The following DIAPH2 variants were observed in gnomAD, a reference collection of about 807,000 sequenced individuals.
The protein encoded by DIAPH2 is protein diaphanous homolog 2.
In DIAPH2, 35 loss-of-function variants were observed where a neutral mutation model predicts 92.7. The observed-to-expected ratio is 0.38, with a 90% CI of 0.29 to 0.50. The LOEUF (loss-of-function observed/expected upper bound fraction) is 0.50, where lower values mean the gene tolerates loss of function less well. Ranked by LOEUF, DIAPH2 falls within the 20% of genes least tolerant of loss-of-function variation. DIAPH2 has a pLI of 0.94. For synonymous variants in DIAPH2, 301 were observed against 280.4 expected (o/e 1.07, Z -0.73); for missense variants, 701 against 819.5 (o/e 0.86, Z 1.77).
At chrX:97,323,448 G>A (rs1419989803) in intron 23 of DIAPH2, among the ~76,000 whole-genome samples, 1 of 103,676 alleles carries the variant, frequency 9.6e-6, no homozygotes, top group Admixed American at 1.0e-4. Flanking sequence ...AAAATTAGCC[G>A]GGCGTGGTGG....
intron 23 of DIAPH2, among the ~76,000 whole-genome samples, chrX:97,293,305 C>T (rs777737419): frequency 3.4e-5 from 3 of 88,836 alleles, no homozygotes; most frequent in African/African-American, 1.4e-4. Flanking sequence ...GTCTGGAGTG[C>T]AGTGGCACAA....
At chrX:96,726,559 CAGAGCAA>C (rs2064021313) in intron 1 of DIAPH2, among the ~76,000 whole-genome samples, 1 of 111,315 alleles carries the variant, frequency 9.0e-6, no homozygotes, top group Non-Finnish European at 1.9e-5. Context: ...GTGCTGTAAG[CAGAGCAA>C]AGAGCACCTG....
chrX:96,995,437 A>G (rs1017872915), intron 17 of DIAPH2, among the ~76,000 whole-genome samples: 2 of 112,129 alleles, frequency 1.8e-5, no homozygotes, highest in African/African-American at 6.5e-5. Context: ...GCAACTAGCA[A>G]AGCATATGAT....
chrX:97,240,763 T>A (rs73548655), intron 22 of DIAPH2, among the ~76,000 whole-genome samples: 1,444 of 110,711 alleles, frequency 0.013, 20 homozygotes, highest in African/African-American at 0.045. Flanking sequence ...GAAGGTAGGG[T>A]GTAGGAAAGA....
intron 19 of DIAPH2, among the ~76,000 whole-genome samples, chrX:97,084,734 C>T (rs756940523): frequency 9.0e-6 from 1 of 111,179 alleles, no homozygotes; most frequent in Non-Finnish European, 1.9e-5. Context: ...TGACAATAAA[C>T]TAGTAAGGGG....
chrX:97,554,842 G>A (rs1159991891), intron 26 of DIAPH2, among the ~76,000 whole-genome samples: 3 of 111,836 alleles, frequency 2.7e-5, no homozygotes, highest in Admixed American at 9.5e-5. Flanking sequence ...GTAAGTGATA[G>A]CACTTACTAT....
At chrX:96,738,034 A>G (rs2064097887) in intron 2 of DIAPH2, among the ~76,000 whole-genome samples, 1 of 111,940 alleles carries the variant, frequency 8.9e-6, no homozygotes, top group Non-Finnish European at 1.9e-5. Flanking sequence ...TCACAAGGTT[A>G]CTCAGCTAGT....
At chrX:96,772,541 T>C (rs1257125006) in intron 4 of DIAPH2, among the ~76,000 whole-genome samples, 1 of 112,407 alleles carries the variant, frequency 8.9e-6, no homozygotes, top group Non-Finnish European at 1.9e-5. Flanking sequence ...CTAGTTTATA[T>C]GCTTGTATGA....
intron 4 of DIAPH2, among the ~76,000 whole-genome samples, chrX:96,818,566 A>C (rs1451429826): frequency 1.8e-5 from 2 of 111,819 alleles, no homozygotes; most frequent in Non-Finnish European, 3.8e-5. Flanking sequence ...AAATTGATTA[A>C]AATTATTCAG....
chrX:97,016,030 A>T (rs1026775806), intron 17 of DIAPH2, among the ~76,000 whole-genome samples: 2 of 111,924 alleles, frequency 1.8e-5, no homozygotes, highest in Non-Finnish European at 3.8e-5. Flanking sequence ...TTATGTCAGG[A>T]CCTGCCATTA....
intron 22 of DIAPH2, among the ~76,000 whole-genome samples, chrX:97,190,317 C>T (rs2067642301): frequency 8.9e-6 from 1 of 112,713 alleles, no homozygotes; most frequent in Admixed American, 9.4e-5. Context: ...GATATTACGC[C>T]AGTCCAGATT....
chrX:96,915,670 A>C (rs1299474630), intron 7 of DIAPH2, among the ~76,000 whole-genome samples: 3 of 111,961 alleles, frequency 2.7e-5, no homozygotes, highest in Non-Finnish European at 5.7e-5. Flanking sequence ...AATCTGAAAA[A>C]TACTTTGTGG....
chrX:96,713,293 A>G (rs759978275), intron 1 of DIAPH2, among the ~76,000 whole-genome samples: 3 of 111,356 alleles, frequency 2.7e-5, no homozygotes, highest in Admixed American at 9.6e-5. Context: ...TCCTGCCTCA[A>G]GGATTGTGTG....
chrX:96,898,607 A>G (rs1394908052), intron 5 of DIAPH2, among the ~76,000 whole-genome samples: 1 of 106,901 alleles, frequency 9.4e-6, no homozygotes, highest in South Asian at 4.4e-4. Context: ...GTTTGAGTTC[A>G]TTGTAGATTC....
At chrX:96,813,894 C>G (rs1366183188) in intron 4 of DIAPH2, among the ~76,000 whole-genome samples, 4 of 112,230 alleles carry the variant, frequency 3.6e-5, no homozygotes, top group Non-Finnish European at 7.5e-5. Context: ...GAAAGATCCA[C>G]TGTCAGTCTG....
Position 97,224,754 on chromosome X carries a change from TAAGA to T in DIAPH2, c.2720-22959_2720-22956del, listed in dbSNP as rs766765119. Among the ~76,000 whole-genome samples the T allele has an allele frequency of 5.6e-3, 632 of 111,879 alleles. 2 individuals are homozygous for T. Among genetic ancestry groups the T allele is most frequent in the African/African-American group, 0.019 (596 of 30,895 alleles). ...ACCAACTCAAAATATCTAAGTGTGC[TAAGA>T]ATCGAAAATGATCTCAGTAAAGTGG... On this transcript the variant is annotated intron_variant, in intron 22 of 26. Coordinates refer to ENST00000324765, the MANE Select transcript of DIAPH2 (RefSeq NM_006729.5).
intron 21 of DIAPH2, among the ~76,000 whole-genome samples, chrX:97,124,789 A>G (rs1316568349): frequency 8.9e-6 from 1 of 111,908 alleles, no homozygotes; most frequent in African/African-American, 3.3e-5. Flanking sequence ...CTAGATATCT[A>G]GATAACTTGC....
At chrX:97,222,264 G>A (rs1339665874) in intron 22 of DIAPH2, among the ~76,000 whole-genome samples, 1 of 111,399 alleles carries the variant, frequency 9.0e-6, no homozygotes, top group African/African-American at 3.3e-5. Context: ...GAGTGCAGTG[G>A]CATGATCTCA....
intron 26 of DIAPH2, among the ~76,000 whole-genome samples, chrX:97,520,609 G>T (rs960535316): frequency 8.9e-6 from 1 of 111,944 alleles, no homozygotes; most frequent in African/African-American, 3.2e-5. Flanking sequence ...TTCCCAGAAA[G>T]ATTTCAGGTG....
Sources: allele counts gnomAD v4.1 joint callset (sites outside exome capture counted in the v4.1 genomes callset), GRCh38; gene constraint gnomAD v4.1.1; transcripts MANE v1.5; gene names NCBI Gene and HGNC (gene_info 2026-07-23, HGNC 2026-07-21).